The following CCDC91 variants were observed in gnomAD, a reference collection of about 807,000 sequenced individuals.
CCDC91 encodes coiled-coil domain containing 91, also known as coiled-coil domain-containing protein 91.
Under a neutral mutation model 63.2 loss-of-function variants are expected in CCDC91, and 48 were observed. The ratio of observed to expected loss-of-function variants is 0.76; its 90% CI spans 0.60 to 0.97. The LOEUF (loss-of-function observed/expected upper bound fraction) is 0.97, where lower values mean the gene tolerates loss of function less well. CCDC91 is among the 50% of genes least tolerant of loss of function. The pLI is 0.00. For synonymous variants in CCDC91, 167 were observed against 165.8 expected (o/e 1.01, Z -0.06); for missense variants, 500 against 494.6 (o/e 1.01, Z -0.10).
chr12:28,527,458 C>A (rs1941358190), intron 12 of CCDC91, among the ~76,000 whole-genome samples: 1 of 152,208 alleles, frequency 6.6e-6, no homozygotes, highest in Non-Finnish European at 1.5e-5. Context: ...TGTGAACCAT[C>A]TTTGGGTCTC....
intron 3 of CCDC91, among the ~76,000 whole-genome samples, chr12:28,275,634 A>G (rs1948155740): frequency 6.6e-6 from 1 of 152,170 alleles, no homozygotes; most frequent in Non-Finnish European, 1.5e-5. Context: ...GGCCAGCATC[A>G]TCCTGATACC....
At chr12:28,243,887 TACAA>T (rs1301116948) in intron 1 of CCDC91, among the ~76,000 whole-genome samples, 2 of 152,160 alleles carry the variant, frequency 1.3e-5, no homozygotes, top group African/African-American at 2.4e-5. Flanking sequence ...TTAAAATTAA[TACAA>T]ACAGAGGATA....
chr12:28,538,310 A>G (rs1043787003), intron 12 of CCDC91, among the ~76,000 whole-genome samples: 2 of 130,406 alleles, frequency 1.5e-5, no homozygotes, highest in African/African-American at 5.9e-5. Context: ...CCTGTGTCCA[A>G]GTGCTCTCAT....
intron 6 of CCDC91, among the ~76,000 whole-genome samples, chr12:28,332,881 C>T (rs1941624023): frequency 6.6e-6 from 1 of 151,882 alleles, no homozygotes; most frequent in Admixed American, 6.6e-5. Context: ...CATGTCATAG[C>T]CTTTGCACTT....
chr12:28,475,739 C>T (rs1951050064), intron 11 of CCDC91, among the ~76,000 whole-genome samples: 2 of 151,790 alleles, frequency 1.3e-5, no homozygotes, highest in African/African-American at 4.8e-5. Context: ...CAGATGTGGC[C>T]CCAGTAAGAA....
chr12:28,274,467 T>C (rs1592170694), intron 3 of CCDC91, among the ~76,000 whole-genome samples: 2 of 152,076 alleles, frequency 1.3e-5, no homozygotes, highest in South Asian at 2.1e-4. Context: ...TTCTTCCTAC[T>C]CATGAGCATG....
intron 11 of CCDC91, among the ~76,000 whole-genome samples, chr12:28,481,590 A>G (rs556630317): frequency 6.6e-5 from 10 of 152,182 alleles, no homozygotes; most frequent in Admixed American, 2.0e-4. Context: ...TACCACTTGC[A>G]TACATGCAAA....
chr12:28,501,664 TTC>T (rs1316478344), intron 12 of CCDC91, among the ~76,000 whole-genome samples: 2 of 151,826 alleles, frequency 1.3e-5, no homozygotes, highest in Admixed American at 6.6e-5. Context: ...TGGTCTAAAA[TTC>T]TCTTTTTTGG....
intron 8 of CCDC91, among the ~76,000 whole-genome samples, chr12:28,399,820 A>G (rs1307291438): frequency 1.3e-5 from 2 of 152,224 alleles, no homozygotes; most frequent in African/African-American, 2.4e-5. Context: ...GCTCACACTG[A>G]TGCAAAAGGT....
At chr12:28,371,689 A>G (rs1369234568) in intron 7 of CCDC91, among the ~76,000 whole-genome samples, 1 of 152,248 alleles carries the variant, frequency 6.6e-6, no homozygotes, top group Admixed American at 6.5e-5. Context: ...TGGGTTCTGC[A>G]TCCATGAATT....
chr12:28,481,924 G>A (rs1951469858), intron 11 of CCDC91, among the ~76,000 whole-genome samples: 1 of 151,790 alleles, frequency 6.6e-6, no homozygotes, highest in Non-Finnish European at 1.5e-5. Flanking sequence ...AACTCTTCAT[G>A]TTTTTTTGGT....
At chr12:28,208,132 T>C (rs1184291016) in intron 1 of CCDC91, among the ~76,000 whole-genome samples, 1 of 152,224 alleles carries the variant, frequency 6.6e-6, no homozygotes, top group African/African-American at 2.4e-5. Context: ...AAACCTGTAT[T>C]CAAGAGTACT....
chr12:28,428,757 A>T (rs1363514920), intron 8 of CCDC91, among the ~76,000 whole-genome samples: 1 of 151,986 alleles, frequency 6.6e-6, no homozygotes, highest in African/African-American at 2.4e-5. Context: ...TTTCCTATCT[A>T]AAATATATTT....
intron 12 of CCDC91, among the ~76,000 whole-genome samples, chr12:28,496,942 A>G (rs11049667): frequency 0.2 from 28,009 of 140,182 alleles, 3,484 homozygotes; most frequent in Non-Finnish European, 0.29. Flanking sequence ...ATATATATAT[A>G]CATATATATA....
At chr12:28,201,014 C>T (rs1942226401) in intron 1 of CCDC91, among the ~76,000 whole-genome samples, 1 of 134,428 alleles carries the variant, frequency 7.4e-6, no homozygotes, top group Non-Finnish European at 1.7e-5. Flanking sequence ...GACCCCCCCA[C>T]CTCCCTCCCG....
At chr12:28,529,057 A>T (rs1179469188) in intron 12 of CCDC91, among the ~76,000 whole-genome samples, 1 of 152,118 alleles carries the variant, frequency 6.6e-6, no homozygotes, top group Non-Finnish European at 1.5e-5. Flanking sequence ...AAATAAGCAA[A>T]GGAAAGATGA....
intron 6 of CCDC91, among the ~76,000 whole-genome samples, chr12:28,315,366 A>G (rs915263680): frequency 6.6e-6 from 1 of 151,810 alleles, no homozygotes; most frequent in African/African-American, 2.4e-5. Context: ...CGGTCTCACC[A>G]TGTTCACCAG....
intron 8 of CCDC91, among the ~76,000 whole-genome samples, chr12:28,415,385 G>A (rs1269658094): frequency 2.0e-5 from 3 of 151,976 alleles, no homozygotes; most frequent in Non-Finnish European, 2.9e-5. Flanking sequence ...CACCGTGCCC[G>A]GCTAATTTTT....
At chr12:28,532,443 A>C (rs189172539) in intron 12 of CCDC91, among the ~76,000 whole-genome samples, 38 of 152,232 alleles carry the variant, frequency 2.5e-4, no homozygotes, top group Non-Finnish European at 4.0e-4. Flanking sequence ...TTTAGTTTTT[A>C]AATATCTATA....
Sources: allele counts gnomAD v4.1 joint callset (sites outside exome capture counted in the v4.1 genomes callset), GRCh38; gene constraint gnomAD v4.1.1; transcripts MANE v1.5; gene names NCBI Gene and HGNC (gene_info 2026-07-23, HGNC 2026-07-21).